ARIH2: variants seen among roughly 807,000 people sequenced by gnomAD.
ARIH2 encodes the protein ariadne RBR E3 ubiquitin protein ligase 2.
ARIH2 carries 12 observed loss-of-function variants against 79.8 expected under a neutral mutation model. The observed-to-expected ratio is 0.15, with a 90% CI of 0.10 to 0.24. The LOEUF (loss-of-function observed/expected upper bound fraction) is 0.24. Among genes scored for constraint, ARIH2 ranks in the 10% least tolerant of loss-of-function variants. The pLI is 1.00. For synonymous variants in ARIH2, 224 were observed against 213.9 expected, an observed-to-expected ratio of 1.05 and a Z score of -0.41; for missense variants, 301 against 618.3, an observed-to-expected ratio of 0.49 and a Z score of 5.44.
In ARIH2 at chr3:48,922,112, C is replaced by T. The variant is rs569165499; in HGVS notation, c.-161-636C>T. Among the ~76,000 whole-genome samples, 6 of 152,066 alleles carry T rather than the reference C, an allele frequency of 3.9e-5. No homozygotes were observed. In the South Asian group the frequency reaches 1.2e-3, roughly 32 times the overall value. ...TTGTGGTAGTTGAGAATCTGAAGGACAGAAATACTGGAGTAAAGAAGCAGG... is the reference window on the plus strand; with the variant it reads ...TTGTGGTAGTTGAGAATCTGAAGGATAGAAATACTGGAGTAAAGAAGCAGG... On this transcript the variant is annotated intron_variant, in intron 1 of 15. Transcript: ENST00000356401.
chr3:48,935,723 A>G (rs944706890), intron 3 of ARIH2, among the ~76,000 whole-genome samples: 2 of 152,216 alleles, frequency 1.3e-5, no homozygotes, highest in South Asian at 4.1e-4. Flanking sequence ...TGGAACATGA[A>G]TGTTCAAATC....
At chr3:48,929,750 G>T (rs1179730149) in intron 3 of ARIH2, among the ~76,000 whole-genome samples, 2 of 152,158 alleles carry the variant, frequency 1.3e-5, no homozygotes, top group Non-Finnish European at 2.9e-5. Flanking sequence ...ATCTACAGTA[G>T]GTATTGAATA....
chr3:48,919,147 C>G (rs907223148), intron 1 of ARIH2, 149 bp downstream of exon 1: 10 of 1,303,854 alleles, frequency 7.7e-6, no homozygotes, highest in Non-Finnish European at 9.7e-6. Flanking sequence ...GTTGTCCGAG[C>G]ATTACCCGCC....
chr3:48,939,918 C>T (rs963036026), intron 3 of ARIH2, among the ~76,000 whole-genome samples: 6 of 152,030 alleles, frequency 3.9e-5, no homozygotes, highest in African/African-American at 7.2e-5. Context: ...AGAACATTTC[C>T]ATTACCTCAA....
intron 3 of ARIH2, among the ~76,000 whole-genome samples, chr3:48,939,581 C>A (rs1413178911): frequency 6.6e-6 from 1 of 150,802 alleles, no homozygotes; most frequent in Non-Finnish European, 1.5e-5. Flanking sequence ...CACAGTGAAA[C>A]CCTGTCTCTA....
chr3:48,959,649 CAAAAAAAAAA>C (rs71077758), intron 3 of ARIH2, among the ~76,000 whole-genome samples: 14 of 50,104 alleles, frequency 2.8e-4, no homozygotes, highest in South Asian at 2.6e-3. Flanking sequence ...TAAAAAATAC[CAAAAAAAAAA>C]AAAAAAAAAA....
intron 14 of ARIH2, 64 bp downstream of exon 14, chr3:48,981,792 C>T: frequency 7.3e-7 from 1 of 1,373,220 alleles, no homozygotes; most frequent in Non-Finnish European, 1.0e-6. Context: ...TCTACCAGCA[C>T]TTTGCAGGAG....
At chr3:48,931,545 T>A (rs1197950425) in intron 3 of ARIH2, among the ~76,000 whole-genome samples, 6 of 148,460 alleles carry the variant, frequency 4.0e-5, no homozygotes, top group Non-Finnish European at 5.9e-5. Context: ...TGAGACTCTG[T>A]CTCAAAAAAA....
chr3:48,956,318 T>G (rs990114201), intron 3 of ARIH2, among the ~76,000 whole-genome samples: 3 of 151,762 alleles, frequency 2.0e-5, no homozygotes, highest in Non-Finnish European at 2.9e-5. Flanking sequence ...TTTATATTTT[T>G]AGTAGAGACG....
At chr3:48,933,220 C>T (rs1016760984) in intron 3 of ARIH2, among the ~76,000 whole-genome samples, 2 of 147,930 alleles carry the variant, frequency 1.4e-5, no homozygotes, top group African/African-American at 5.1e-5. Flanking sequence ...ACCACAGGTG[C>T]GCACCACATG....
Position 48,922,769 on chromosome 3 carries a change from A to C in ARIH2, c.-140A>C, listed in dbSNP as rs1223683094. The C allele has an allele frequency of 3.9e-5, 6 of 152,178 alleles. No homozygotes were observed. Among genetic ancestry groups the C allele is most frequent in the African/African-American group, 1.4e-4 (6 of 41,452 alleles). The allele number at this position is 152,178 out of a possible 1,614,324, so 9.4% of individuals were successfully genotyped here. ...TTAGATGGAAATCATATTATGTAGA[A>C]TACTTGGGTGACATCTGCCTGAGAG... On this transcript the variant is annotated 5_prime_UTR_variant, in exon 2 of 16. Coordinates refer to ENST00000356401, the MANE Select transcript of ARIH2 (RefSeq NM_006321.4).
chr3:48,975,851 C>T (rs2092468303), intron 11 of ARIH2, among the ~76,000 whole-genome samples: 1 of 152,010 alleles, frequency 6.6e-6, no homozygotes, highest in African/African-American at 2.4e-5. Flanking sequence ...GAGTGAGCCA[C>T]TGTGCCCGAC....
At chr3:48,947,200 G>A (rs562540976) in intron 3 of ARIH2, among the ~76,000 whole-genome samples, 82 of 152,336 alleles carry the variant, frequency 5.4e-4, no homozygotes, top group African/African-American at 1.9e-3. Context: ...CAGCTCTTTG[G>A]GAGGCCGAGG....
At chr3:48,934,753 G>A in intron 3 of ARIH2, 1 of 985,410 alleles carries the variant, frequency 1.0e-6, no homozygotes, top group Non-Finnish European at 1.2e-6. Context: ...TACAAATGGT[G>A]CAAAGATGTC....
intron 3 of ARIH2, among the ~76,000 whole-genome samples, chr3:48,942,483 A>G (rs2088447035): frequency 3.9e-5 from 6 of 151,972 alleles, no homozygotes; most frequent in Admixed American, 3.9e-4. Context: ...ATGGAAAAAG[A>G]TAGTTTGATC....
intron 3 of ARIH2, among the ~76,000 whole-genome samples, chr3:48,947,788 A>T (rs983265978): frequency 4.6e-5 from 7 of 152,228 alleles, no homozygotes; most frequent in African/African-American, 1.4e-4. Context: ...AAATAATTGT[A>T]CAGTGGACAT....
At chr3:48,962,386 A>C (rs1333166708) in intron 4 of ARIH2, among the ~76,000 whole-genome samples, 1 of 151,906 alleles carries the variant, frequency 6.6e-6, no homozygotes, top group Admixed American at 6.6e-5. Context: ...AAAAAAAAAA[A>C]CAGAAAGAAA....
chr3:48,945,154 C>A (rs2088935376), intron 3 of ARIH2: 1 of 1,289,694 alleles, frequency 7.8e-7, no homozygotes, highest in African/African-American at 1.5e-5. Flanking sequence ...TGCTCACTGC[C>A]ATCAGCTGCA....
At chr3:48,980,521 T>G (rs768441133) in intron 13 of ARIH2, 25 bp downstream of exon 13, 2 of 1,611,120 alleles carry the variant, frequency 1.2e-6, no homozygotes, top group Non-Finnish European at 1.7e-6. Flanking sequence ...ACTCATCTTA[T>G]CCCTGGTCCA....
Sources: allele counts gnomAD v4.1 joint callset (sites outside exome capture counted in the v4.1 genomes callset), GRCh38; gene constraint gnomAD v4.1.1; transcripts MANE v1.5; gene names NCBI Gene and HGNC (gene_info 2026-07-23, HGNC 2026-07-21).